The following SH3RF2 variants were observed in gnomAD, a reference collection of about 807,000 sequenced individuals.
The protein encoded by SH3RF2 is SH3 domain containing ring finger 2.
Under a neutral mutation model 59.0 loss-of-function variants are expected in SH3RF2, and 43 were observed. That is an observed-to-expected ratio of 0.73 (90% CI 0.57 to 0.94). The LOEUF (loss-of-function observed/expected upper bound fraction) is 0.94. Among genes scored for constraint, SH3RF2 ranks in the 40% least tolerant of loss-of-function variants. SH3RF2 has a pLI of 0.00. For missense variants in SH3RF2, 930 were observed against 940.1 expected, an observed-to-expected ratio of 0.99 and a Z score of 0.14; for synonymous variants, 391 against 391.5, an observed-to-expected ratio of 1.00 and a Z score of 0.01.
intron 1 of SH3RF2, among the ~76,000 whole-genome samples, chr5:145,937,395 T>C (rs17104037): frequency 0.12 from 18,666 of 152,104 alleles, 1,462 homozygotes; most frequent in East Asian, 0.27. Flanking sequence ...AGATAATAGA[T>C]ACATTTAGAT....
At chr5:145,959,268 T>G (rs1758532626) in intron 2 of SH3RF2, among the ~76,000 whole-genome samples, 1 of 152,198 alleles carries the variant, frequency 6.6e-6, no homozygotes, top group Non-Finnish European at 1.5e-5. Flanking sequence ...AGAAAAATGA[T>G]TATCAGGTCA....
intron 5 of SH3RF2, among the ~76,000 whole-genome samples, chr5:146,037,666 C>T (rs1761986450): frequency 6.6e-6 from 1 of 152,176 alleles, no homozygotes; most frequent in African/African-American, 2.4e-5. Flanking sequence ...ACATTGTAAG[C>T]ATTTAAGAAA....
chr5:145,997,527 C>G, intron 2 of SH3RF2: 1 of 1,605,696 alleles, frequency 6.2e-7, no homozygotes, highest in Non-Finnish European at 8.5e-7. Flanking sequence ...GAATCCTCCT[C>G]GAGATTTTCT....
At chr5:145,975,586 C>G (rs1214401344) in intron 2 of SH3RF2, among the ~76,000 whole-genome samples, 1 of 152,228 alleles carries the variant, frequency 6.6e-6, no homozygotes. Flanking sequence ...CTGGTTCCCT[C>G]TGTGCACTTC....
chr5:145,996,439 C>T (rs1760155492), intron 2 of SH3RF2, among the ~76,000 whole-genome samples: 1 of 152,124 alleles, frequency 6.6e-6, no homozygotes, highest in Non-Finnish European at 1.5e-5. Context: ...GTGAAAAAAA[C>T]AATTTCAATT....
chr5:146,000,304 C>A lies in SH3RF2; in HGVS notation c.625C>A (p.Gln209Lys), dbSNP rs1013610108. Residue 209 changes from glutamine to lysine, a missense_variant, in exon 3 of 10, where the codon CAG becomes AAG. Gln to Lys is a moderately conservative substitution (Grantham distance 53). Coordinates refer to ENST00000359120, the MANE Select transcript of SH3RF2 (RefSeq NM_152550.4). ...DLRGKDKSEN[Q>K]DCLTFLKDDI... ...ACGAGGCAAGGACAAGAGTGAGAAC[C>A]AGGATTGCCTGACCTTCCTCAAGGT... 1.2e-6 allele frequency: 2 copies of A among 1,613,416 alleles called. No individual in the cohort carries two copies. Among genetic ancestry groups the A allele is most frequent in the East Asian group, 2.2e-5 (1 of 44,862 alleles).
At chr5:145,961,489 C>T (rs1477050621) in intron 2 of SH3RF2, among the ~76,000 whole-genome samples, 2 of 152,124 alleles carry the variant, frequency 1.3e-5, no homozygotes, top group African/African-American at 4.8e-5. Context: ...GAAACGATTT[C>T]AGGATTCTTT....
exon 10 of SH3RF2, chr5:146,080,282 G>A (rs1276429518): frequency 1.3e-5 from 2 of 152,042 alleles, no homozygotes; most frequent in Non-Finnish European, 2.9e-5. Context: ...GGTGTTAAGG[G>A]TAAAAAGAGG....
intron 9 of SH3RF2, among the ~76,000 whole-genome samples, chr5:146,068,457 G>T (rs1243826743): frequency 6.6e-6 from 1 of 152,198 alleles, no homozygotes; most frequent in Admixed American, 6.5e-5. Context: ...TGAGAGAAAA[G>T]ATTCTCTCTT....
At chr5:146,049,785 C>G (rs1256939644) in intron 7 of SH3RF2, among the ~76,000 whole-genome samples, 8 of 152,086 alleles carry the variant, frequency 5.3e-5, no homozygotes, top group Admixed American at 5.2e-4. Flanking sequence ...AGGGCCTCCT[C>G]CCTCACCGCT....
intron 2 of SH3RF2, among the ~76,000 whole-genome samples, chr5:145,945,159 G>T (rs1259428120): frequency 1.3e-5 from 2 of 152,164 alleles, no homozygotes; most frequent in African/African-American, 4.8e-5. Flanking sequence ...GAGGGAAAGA[G>T]AAACACTACT....
At chr5:146,001,432 T>G (rs1203814213) in intron 3 of SH3RF2, among the ~76,000 whole-genome samples, 1 of 152,192 alleles carries the variant, frequency 6.6e-6, no homozygotes. Flanking sequence ...CTCTCTGCCC[T>G]CCATATTTTG....
chr5:146,044,401 G>A (rs986863460), intron 5 of SH3RF2, among the ~76,000 whole-genome samples: 3 of 151,968 alleles, frequency 2.0e-5, no homozygotes, highest in South Asian at 2.1e-4. Flanking sequence ...CGCCCACCTC[G>A]GCCTCCCAAA....
In SH3RF2 at chr5:146,060,228, G is replaced by A. The variant is rs751812484; in HGVS notation, c.1914+4G>A. The A allele has an allele frequency of 1.5e-5, 24 of 1,592,986 alleles. No individual in the cohort carries two copies. The East Asian group carries it at 2.2e-4, about 15-fold the overall frequency. On this transcript the variant is annotated splice_donor_region_variant and intron_variant, in intron 9 of 9. Coordinates refer to ENST00000359120, the MANE Select transcript of SH3RF2 (RefSeq NM_152550.4). ...CTCAAGAAATGGCATCGAAAAGGTA[G>A]GATCAGAGTGACATTGGGGGCCCAA...
chr5:145,971,424 C>A (rs1000068927), intron 2 of SH3RF2, among the ~76,000 whole-genome samples: 7 of 152,206 alleles, frequency 4.6e-5, no homozygotes, highest in Admixed American at 6.5e-5. Context: ...TACCTGTGGG[C>A]ATTTCACCTC....
chr5:146,011,308 T>A (rs1177276840), intron 4 of SH3RF2, among the ~76,000 whole-genome samples: 1 of 152,154 alleles, frequency 6.6e-6, no homozygotes, highest in East Asian at 1.9e-4. Context: ...TGAAGTCAGG[T>A]AGCGTGATGC....
chr5:146,064,856 GAA>G (rs1283178077), downstream of SH3RF2, among the ~76,000 whole-genome samples: 28 of 24,630 alleles, frequency 1.1e-3, no homozygotes, highest in Non-Finnish European at 3.3e-3. Context: ...AAGAAAGAAA[GAA>G]AGAAAGAGAA....
At chr5:145,986,001 T>TTAAA (rs1759686677) in intron 2 of SH3RF2, among the ~76,000 whole-genome samples, 4 of 106,750 alleles carry the variant, frequency 3.7e-5, no homozygotes, top group South Asian at 3.7e-4. Context: ...AAGACTTGTC[T>TTAAA]CAAATAAATA....
intron 8 of SH3RF2, 39 bp downstream of exon 8, chr5:146,056,252 G>A: frequency 6.2e-7 from 1 of 1,610,174 alleles, no homozygotes; most frequent in South Asian, 1.1e-5. Flanking sequence ...AGAGCTAAGT[G>A]ATGGGGGGAA....
Sources: gnomAD v4.1 joint callset for allele counts (sites outside exome capture counted in the v4.1 genomes callset) on GRCh38, gnomAD v4.1.1 for gene constraint, MANE v1.5 for transcripts, NCBI Gene and HGNC (gene_info 2026-07-23, HGNC 2026-07-21) for gene names.